The following COG7 variants were observed in gnomAD, a reference collection of about 807,000 sequenced individuals.
COG7 encodes the protein component of oligomeric golgi complex 7.
COG7 carries 49 observed loss-of-function variants against 91.5 expected under a neutral mutation model. The ratio of observed to expected loss-of-function variants is 0.54; its 90% CI spans 0.43 to 0.68. The LOEUF (loss-of-function observed/expected upper bound fraction) is 0.68, where lower values mean the gene tolerates loss of function less well. Ranked by LOEUF, COG7 falls within the 30% of genes least tolerant of loss-of-function variation. COG7 has a pLI of 0.00. For missense variants in COG7, 895 were observed against 961.3 expected (o/e 0.93, Z 0.91); for synonymous variants, 365 against 388.7 (o/e 0.94, Z 0.72).
rs1024047409 is a variant in COG7 at position 23,425,393 on chromosome 16, A to G, written c.811-446T>C. Among the ~76,000 whole-genome samples the G allele has an allele frequency of 2.6e-5, 4 of 152,164 alleles. No individual in the cohort carries two copies. In the East Asian group the frequency reaches 7.7e-4, roughly 29 times the overall value. On this transcript the variant is annotated intron_variant, in intron 6 of 16. Coordinates refer to ENST00000307149, the MANE Select transcript of COG7 (RefSeq NM_153603.4). ...GCCACCCAGGCTGAAGTGCAGTGGC[A>G]TAATCATAGCTCACTGCAGCCTTTA... is the stretch of plus-strand genomic sequence containing the variant.
chr16:23,446,410 A>G (rs1190281432), intron 1 of COG7: 2 of 210,804 alleles, frequency 9.5e-6, no homozygotes, highest in African/African-American at 4.7e-5. Flanking sequence ...AGTAAGCCTC[A>G]GATAGGTCTG....
At chr16:23,441,607 A>G (rs933618975) in intron 4 of COG7, among the ~76,000 whole-genome samples, 1 of 152,180 alleles carries the variant, frequency 6.6e-6, no homozygotes, top group Non-Finnish European at 1.5e-5. Context: ...GGCACACAGC[A>G]AAGCCCATCC....
rs1209980909 is a variant in COG7, at chr16:23,403,624, G to C, written c.1803+70C>G. On this transcript the variant is annotated intron_variant, in intron 13 of 16. Coordinates refer to ENST00000307149, the MANE Select transcript of COG7 (RefSeq NM_153603.4). ...AAGCTCTTGGAACAGGGAGGGTTAA[G>C]CCCACACTCAGTATGCTTGAGTTGG... 25 of 1,579,534 alleles carry C rather than the reference G, an allele frequency of 1.6e-5. No individual in the cohort carries two copies. In the East Asian group the frequency reaches 5.1e-4, roughly 32 times the overall value.
chr16:23,445,100 G>A lies in COG7; in HGVS notation c.383C>T (p.Ala128Val). The stretch of plus-strand genomic sequence containing the variant: ...GGCGCTCAACGTGCTCCACTTATCT[G>A]CTTCCTGAAGAGATTCGGCAGCAAG... ...MQLAAESLQE[A>V]DKWSTLSADI... is the part of the protein sequence containing the mutation. Residue 128 changes from alanine (A) to valine (V), a missense_variant, in exon 3 of 17, where the codon GCA (alanine) becomes GTA (valine). Transcript: ENST00000307149. The A allele has an allele frequency of 6.2e-7, 1 of 1,614,090 alleles. No homozygotes were observed. Among genetic ancestry groups the A allele is most frequent in the Non-Finnish European group, 8.5e-7 (1 of 1,180,002 alleles).
intron 3 of COG7, among the ~76,000 whole-genome samples, chr16:23,443,987 A>G (rs1964142926): frequency 6.6e-6 from 1 of 151,948 alleles, no homozygotes; most frequent in African/African-American, 2.4e-5. Flanking sequence ...TCCCATCTCT[A>G]CTAAAAATAC....
chr16:23,390,481 G>A (rs951093286), intron 16 of COG7, among the ~76,000 whole-genome samples: 7 of 152,122 alleles, frequency 4.6e-5, no homozygotes, highest in African/African-American at 1.2e-4. Flanking sequence ...TGGGATTACA[G>A]GCATGAGCCA....
chr16:23,416,389 T>A (rs1963654608), intron 9 of COG7: 1 of 163,776 alleles, frequency 6.1e-6, no homozygotes, highest in African/African-American at 2.4e-5. Flanking sequence ...GATGATGTGT[T>A]CCTATAGAAA....
Position 23,399,586 on chromosome 16 carries a change from C to G in COG7, c.1804-1457G>C, listed in dbSNP as rs139752014. Among the ~76,000 whole-genome samples the G allele has an allele frequency of 1.9e-3, 289 of 152,154 alleles. 2 individuals carry two copies. The highest frequency in any genetic ancestry group is 6.5e-3 in the African/African-American group (269 of 41,482). ...ATCCTGTTCTGGCCCCTCCCCTCTC[C>G]CCCCTGCAGACACATGAGTGCTGCC... On this transcript the variant is annotated intron_variant, in intron 13 of 16. Transcript: ENST00000307149.
At chr16:23,428,136 C>T (rs900271258) in intron 6 of COG7, among the ~76,000 whole-genome samples, 1 of 151,872 alleles carries the variant, frequency 6.6e-6, no homozygotes, top group African/African-American at 2.4e-5. Context: ...CAGATCATGC[C>T]ATTGTACTCC....
intron 11 of COG7, among the ~76,000 whole-genome samples, chr16:23,408,115 A>G (rs1373829978): frequency 1.3e-4 from 7 of 54,700 alleles, no homozygotes; most frequent in South Asian, 8.3e-4. Context: ...GAGTGGGGCG[A>G]GAGATAGGGG....
intron 13 of COG7, among the ~76,000 whole-genome samples, chr16:23,398,634 G>T (rs542961517): frequency 6.6e-6 from 1 of 152,224 alleles, no homozygotes; most frequent in African/African-American, 2.4e-5. Flanking sequence ...AGCCCCTCTG[G>T]CTGCAGGAAG....
At chr16:23,392,963 A>G (rs1397151379) in intron 15 of COG7, among the ~76,000 whole-genome samples, 2 of 152,152 alleles carry the variant, frequency 1.3e-5, no homozygotes, top group Non-Finnish European at 2.9e-5. Context: ...ACAAAGTTAC[A>G]TACAAAATAC....
intron 13 of COG7, among the ~76,000 whole-genome samples, chr16:23,399,214 C>T (rs367572858): frequency 6.6e-6 from 1 of 152,206 alleles, no homozygotes; most frequent in Non-Finnish European, 1.5e-5. Context: ...CTCTAGCGCC[C>T]ACTTGATTCG....
At chr16:23,415,170 A>G (rs1293606661) in intron 9 of COG7, 5 of 152,272 alleles carry the variant, frequency 3.3e-5, no homozygotes, top group South Asian at 2.1e-4. Context: ...TTCTAGGGTT[A>G]TAAGTCCCAG....
intron 11 of COG7, among the ~76,000 whole-genome samples, chr16:23,408,312 A>G (rs1596920331): frequency 8.2e-5 from 1 of 12,250 alleles, no homozygotes; most frequent in African/African-American, 4.3e-4. Context: ...GTAGGGGGCG[A>G]GTGGGGCGGG....
chr16:23,437,325 C>A (rs990399658), intron 4 of COG7, among the ~76,000 whole-genome samples: 8 of 152,128 alleles, frequency 5.3e-5, no homozygotes, highest in Non-Finnish European at 1.2e-4. Flanking sequence ...GGAGCCACCA[C>A]CTCTCCATCC....
Position 23,413,503 on chromosome 16 carries a change from T to C in COG7, c.1354A>G (p.Ile452Val), listed in dbSNP as rs780672382. 1 of 1,613,296 alleles carries C rather than the reference T, an allele frequency of 6.2e-7. No homozygotes were observed. Among genetic ancestry groups the C allele is most frequent in the Admixed American group, 1.7e-5 (1 of 60,006 alleles). Residue 452 changes from isoleucine (I) to valine (V), a missense_variant, in exon 10 of 17, where the codon ATT becomes GTT. Coordinates refer to ENST00000307149, the MANE Select transcript of COG7 (RefSeq NM_153603.4). ...TCCTGGAAGAGGGAGTTGGGAGGAA[T>C]GTGGTCCAGTTTGCACTTCTTTCGT... ...SIRKKCKLDH[I>V]PPNSLFQEDW...
chr16:23,389,550 G>A (rs186100628), intron 16 of COG7, among the ~76,000 whole-genome samples: 4 of 152,240 alleles, frequency 2.6e-5, no homozygotes, highest in Admixed American at 2.6e-4. Flanking sequence ...GGGACTCCTG[G>A]GTTCCAAGCC....
At chr16:23,389,619 A>G (rs1002748738) in intron 16 of COG7, among the ~76,000 whole-genome samples, 12 of 152,094 alleles carry the variant, frequency 7.9e-5, no homozygotes, top group Non-Finnish European at 1.6e-4. Flanking sequence ...GAGACACACA[A>G]GCTTGTCTGA....
Sources: gnomAD v4.1 joint callset for allele counts (sites outside exome capture counted in the v4.1 genomes callset) on GRCh38, gnomAD v4.1.1 for gene constraint, MANE v1.5 for transcripts, NCBI Gene and HGNC (gene_info 2026-07-23, HGNC 2026-07-21) for gene names.